SGCZ: variants seen among roughly 807,000 people sequenced by gnomAD.
SGCZ encodes the protein zeta-sarcoglycan.
In SGCZ, 40 loss-of-function variants were observed where a neutral mutation model predicts 41.3. The ratio of observed to expected loss-of-function variants is 0.97; its 90% confidence interval spans 0.75 to 1.26. The LOEUF is 1.26. Among genes scored for constraint, SGCZ ranks in the 50% most tolerant of loss-of-function variants. The pLI is 0.00. For synonymous variants in SGCZ, 206 were observed against 137.5 expected, an observed-to-expected ratio of 1.50 and a Z score of -3.49; for missense variants, 552 against 369.8, an observed-to-expected ratio of 1.49 and a Z score of -4.04.
intron 2 of SGCZ, among the ~76,000 whole-genome samples, chr8:14,371,706 G>A (rs989512329): frequency 2.0e-5 from 3 of 152,020 alleles, no homozygotes; most frequent in African/African-American, 7.2e-5. Flanking sequence ...AGTTAGCTAG[G>A]AAGTCAGTAA....
At chr8:15,122,686 C>G (rs547111836) in intron 1 of SGCZ, among the ~76,000 whole-genome samples, 78 of 152,248 alleles carry the variant, frequency 5.1e-4, no homozygotes, top group Middle Eastern at 6.8e-3. Context: ...TGAAGGCCAA[C>G]TGTAAATGCT....
At chr8:14,771,472 A>T (rs1351824966) in intron 1 of SGCZ, among the ~76,000 whole-genome samples, 1 of 152,132 alleles carries the variant, frequency 6.6e-6, no homozygotes, top group Non-Finnish European at 1.5e-5. Flanking sequence ...TTTTTGTTTT[A>T]CTTGAATTAC....
intron 1 of SGCZ, among the ~76,000 whole-genome samples, chr8:14,767,536 C>A (rs1380536873): frequency 6.6e-6 from 1 of 152,150 alleles, no homozygotes; most frequent in Non-Finnish European, 1.5e-5. Context: ...ATGAGGAATG[C>A]AGATTGTAAT....
intron 1 of SGCZ, among the ~76,000 whole-genome samples, chr8:14,711,997 G>A (rs1809534258): frequency 6.6e-6 from 1 of 152,062 alleles, no homozygotes; most frequent in Admixed American, 6.5e-5. Context: ...GGCCAGGCGT[G>A]GTGGCTCATG....
At chr8:14,203,973 T>C (rs187958996) in intron 4 of SGCZ, among the ~76,000 whole-genome samples, 15 of 150,372 alleles carry the variant, frequency 1.0e-4, no homozygotes, top group Admixed American at 3.3e-4. Context: ...AGGAAAGGAG[T>C]TGGGGGAAAG....
At chr8:14,282,488 G>A (rs1442275211) in intron 3 of SGCZ, among the ~76,000 whole-genome samples, 5 of 151,974 alleles carry the variant, frequency 3.3e-5, no homozygotes, top group African/African-American at 1.2e-4. Context: ...TCATAAACCA[G>A]CTCACTCTCT....
At chr8:14,844,419 G>C (rs1040583910) in intron 1 of SGCZ, among the ~76,000 whole-genome samples, 2 of 152,132 alleles carry the variant, frequency 1.3e-5, no homozygotes, top group African/African-American at 4.8e-5. Flanking sequence ...GAGTGTACTT[G>C]TGTTACAACT....
rs575587730 is a variant in SGCZ, at chr8:15,052,999, A to G, written c.39+184586T>C. Among the ~76,000 whole-genome samples the G allele has an allele frequency of 2.0e-5, 3 of 152,284 alleles. No individual in the cohort carries two copies. In the East Asian group the frequency reaches 5.8e-4, roughly 30 times the overall value. On this transcript the variant is annotated intron_variant, in intron 1 of 7. Transcript: ENST00000382080. Reference sequence around the variant, plus strand: ...GCATAGTTCCTACATTTCCAACAGCAAAAACCTAAGGAGAACAACTTCAAA... The same window carrying G: ...GCATAGTTCCTACATTTCCAACAGCGAAAACCTAAGGAGAACAACTTCAAA...
chr8:14,746,246 T>G (rs1799337923), intron 1 of SGCZ, among the ~76,000 whole-genome samples: 1 of 152,272 alleles, frequency 6.6e-6, no homozygotes, highest in African/African-American at 2.4e-5. Context: ...ACCTGCTTTT[T>G]ATTCCATTTG....
intron 1 of SGCZ, among the ~76,000 whole-genome samples, chr8:15,210,803 G>C (rs1801211685): frequency 6.6e-6 from 1 of 152,024 alleles, no homozygotes; most frequent in East Asian, 1.9e-4. Flanking sequence ...CCTACTCTCT[G>C]AAAGCAATCT....
Position 14,090,504 on chromosome 8 carries a change from A to C in SGCZ, c.878T>G (p.Leu293Arg). ...AGTGGAACCTACTCCTGCTGGAGAAAGGTAAAGTTTGCCATTGGGGCAGAC... is the reference window on the plus strand; with the variant it reads ...AGTGGAACCTACTCCTGCTGGAGAACGGTAAAGTTTGCCATTGGGGCAGAC... ...LCVCPNGKLY[L>R]SPAGVGSTCQ... The change falls in exon 8 of 8, where the codon CTT becomes CGT. Residue 293 changes from leucine to arginine, a missense_variant. Leu to Arg is a moderately radical substitution (Grantham distance 102). Coordinates refer to ENST00000382080, the MANE Select transcript of SGCZ (RefSeq NM_139167.4). 6.2e-7 allele frequency: 1 copy of C among 1,613,054 alleles called. No homozygotes were observed. The highest frequency in any genetic ancestry group is 8.5e-7 in the Non-Finnish European group (1 of 1,179,374).
intron 2 of SGCZ, among the ~76,000 whole-genome samples, chr8:14,507,540 T>C (rs1477401614): frequency 6.6e-6 from 1 of 152,202 alleles, no homozygotes; most frequent in Non-Finnish European, 1.5e-5. Flanking sequence ...TTGAACCTTT[T>C]TATTCTCTGA....
chr8:14,219,531 A>C (rs112070984), intron 4 of SGCZ, among the ~76,000 whole-genome samples: 3,239 of 152,218 alleles, frequency 0.021, 36 homozygotes, highest in Non-Finnish European at 0.033. Flanking sequence ...GGCAGATCAC[A>C]AGGTCAGGAG....
rs111642406 is a variant in SGCZ at position 14,395,105 on chromosome 8, ATG to A, written c.235-70903_235-70902del. 3.3e-5 allele frequency among the ~76,000 whole-genome samples: 5 copies of A among 152,336 alleles called. 1 individual carries two copies. The highest frequency in any genetic ancestry group is 1.2e-4 in the African/African-American group (5 of 41,578). On this transcript the variant is annotated intron_variant, in intron 2 of 7. Transcript: ENST00000382080. ...TACTTAAAACTCTAAGGAACATAGA[ATG>A]TGCTCAGTAAATACTCTATAATTAT...
intron 1 of SGCZ, among the ~76,000 whole-genome samples, chr8:14,768,992 G>A (rs559364213): frequency 2.6e-5 from 4 of 151,980 alleles, no homozygotes; most frequent in African/African-American, 9.7e-5. Flanking sequence ...GTAGATACGG[G>A]CTGAAATGTT....
chr8:15,206,141 C>T (rs1801054467), intron 1 of SGCZ, among the ~76,000 whole-genome samples: 1 of 152,058 alleles, frequency 6.6e-6, no homozygotes, highest in Admixed American at 6.6e-5. Context: ...CATGAGTTTA[C>T]CTATGCAACA....
intron 1 of SGCZ, among the ~76,000 whole-genome samples, chr8:15,030,562 G>GA (rs576080337): frequency 1.0e-3 from 156 of 151,962 alleles, no homozygotes; most frequent in Middle Eastern, 3.4e-3. Context: ...TGTAAATGCA[G>GA]AAAAAAAATG....
chr8:14,106,138 A>T (rs1156971679), intron 6 of SGCZ, among the ~76,000 whole-genome samples: 1 of 152,196 alleles, frequency 6.6e-6, no homozygotes, highest in South Asian at 2.1e-4. Context: ...AGTAATTCAC[A>T]TTAACAAATA....
intron 1 of SGCZ, among the ~76,000 whole-genome samples, chr8:15,004,326 G>A (rs73665360): frequency 2.6e-5 from 4 of 152,202 alleles, no homozygotes; most frequent in Admixed American, 6.5e-5. Flanking sequence ...CCAGGCCCAC[G>A]CATGTGCACC....
Sources: gnomAD v4.1 joint callset for allele counts (sites outside exome capture counted in the v4.1 genomes callset) on GRCh38, gnomAD v4.1.1 for gene constraint, MANE v1.5 for transcripts, NCBI Gene and HGNC (gene_info 2026-07-23, HGNC 2026-07-21) for gene names.